The following USH2A variants were observed in gnomAD, a reference collection of about 807,000 sequenced individuals.
USH2A encodes Usher syndrome 2A (autosomal recessive, mild).
USH2A carries 443 observed loss-of-function variants against 538.9 expected under a neutral mutation model. The observed-to-expected ratio is 0.82, with a 90% CI of 0.76 to 0.89. The LOEUF (loss-of-function observed/expected upper bound fraction) is 0.89, where lower values mean the gene tolerates loss of function less well. Among genes scored for constraint, USH2A ranks in the 40% least tolerant of loss-of-function variants. The pLI is 0.00. For synonymous variants in USH2A, 2,413 were observed against 2,273.5 expected (o/e 1.06, Z -1.75); for missense variants, 6,633 against 6,324.8 (o/e 1.05, Z -1.65).
intron 69 of USH2A, among the ~76,000 whole-genome samples, chr1:215,635,531 T>TTTTATTTATTTATTTA (rs35379579): frequency 0.013 from 1,841 of 142,114 alleles, 23 homozygotes; most frequent in Non-Finnish European, 0.018. Context: ...GTAGGATTAT[T>TTTTATTTATTTATTTA]TTTATTTATT....
Position 215,813,791 on chromosome 1 carries a change from C to T in USH2A, c.9684G>A (p.Gln3228=), listed in dbSNP as rs200038117. 4.6e-5 allele frequency: 74 copies of T among 1,613,784 alleles called. No homozygotes were observed. The highest frequency in any genetic ancestry group is 6.1e-5 in the Non-Finnish European group (72 of 1,179,878). The change falls in exon 49 of 72, where the codon CAG becomes CAA. Residue 3228 remains glutamine (Q), a synonymous_variant. Coordinates refer to ENST00000307340, the MANE Select transcript of USH2A (RefSeq NM_206933.4). ...STGVCCGGRI[Q]EAQPNHQCCS... Reference sequence around the variant, plus strand: ...AGCACTGATGATTTGGTTGTGCCTCCTGTATTCGGCCACCACAACAAACTC... The same window carrying T: ...AGCACTGATGATTTGGTTGTGCCTCTTGTATTCGGCCACCACAACAAACTC...
Position 216,282,560 on chromosome 1 carries a change from T to C in USH2A, c.1971+6720A>G, listed in dbSNP as rs145707785. Among the ~76,000 whole-genome samples, 755 of 152,338 alleles carry C rather than the reference T, an allele frequency of 5.0e-3. 7 individuals carry two copies. The highest frequency in any genetic ancestry group is 0.018 in the African/African-American group (736 of 41,578). ...ATAAATATGAGGGCTTATTTGTAAA[T>C]TCTCAATTCTATTTCAGTGAATATG... On this transcript the variant is annotated intron_variant, in intron 11 of 71. Transcript: ENST00000307340.
intron 67 of USH2A, among the ~76,000 whole-genome samples, chr1:215,641,035 A>G (rs1202255355): frequency 6.6e-6 from 1 of 152,164 alleles, no homozygotes; most frequent in African/African-American, 2.4e-5. Context: ...AACTATTAAC[A>G]TACAATGGAT....
At chr1:216,042,991 G>T (rs2030352106) in intron 32 of USH2A, among the ~76,000 whole-genome samples, 1 of 152,066 alleles carries the variant, frequency 6.6e-6, no homozygotes, top group Admixed American at 6.6e-5. Flanking sequence ...CTTGGTCTCG[G>T]ACTTTCAGCC....
intron 38 of USH2A, among the ~76,000 whole-genome samples, chr1:215,925,683 T>TTTCAGCTGCTAACCTACG (rs1666222502): frequency 6.7e-6 from 1 of 149,314 alleles, no homozygotes; most frequent in South Asian, 2.1e-4. Flanking sequence ...CTATTGCTTA[T>TTTCAGCTGCTAACCTACG]TTCAGCTGCT....
chr1:216,385,326 T>C (rs1192206378), intron 3 of USH2A, among the ~76,000 whole-genome samples: 2 of 152,120 alleles, frequency 1.3e-5, no homozygotes, highest in Non-Finnish European at 2.9e-5. Context: ...GCAAGGACTT[T>C]GAAAAACTGT....
chr1:215,802,902 A>C (rs1178503448), intron 49 of USH2A, among the ~76,000 whole-genome samples: 3 of 152,168 alleles, frequency 2.0e-5, no homozygotes, highest in Non-Finnish European at 4.4e-5. Context: ...CAAAAGTGTT[A>C]TATACATACA....
At position 216,199,661 on chromosome 1, in the gene USH2A, A is replaced by G; in HGVS notation, c.3777T>C (p.Leu1259=). ...PKMQKISSTE[L]HVEWSPPAEL... ...CCGCTGGTGGAGACCATTCTACATG[A>G]AGTTCTGTAGAACTGATTTTCTGCA... Residue 1259 remains leucine, a synonymous_variant, in exon 17 of 72, where the codon CTT becomes CTC. Coordinates refer to ENST00000307340, the MANE Select transcript of USH2A (RefSeq NM_206933.4). 1 of 1,614,064 alleles carries G rather than the reference A, an allele frequency of 6.2e-7. No homozygotes were observed. The highest frequency in any genetic ancestry group is 8.5e-7 in the Non-Finnish European group (1 of 1,179,984).
intron 11 of USH2A, among the ~76,000 whole-genome samples, chr1:216,258,338 G>A (rs551848283): frequency 2.0e-4 from 30 of 152,026 alleles, no homozygotes; most frequent in African/African-American, 3.6e-4. Context: ...AAATTTTCTC[G>A]CCAGTTCAGC....
Position 215,900,763 on chromosome 1 carries a change from T to C in USH2A, c.7443A>G (p.Gly2481=). ...LQMRSGDSTH[G]FLELFSNPSA... ...CAAAGTAGAATGCTCACTCTAGAAA[T>C]CCATGGGTGGAGTCGCCAGACCTCA... Residue 2481 remains glycine (G), a synonymous_variant, in exon 39 of 72, where the codon GGA becomes GGG. Coordinates refer to ENST00000307340, the MANE Select transcript of USH2A (RefSeq NM_206933.4). 1 of 1,613,558 alleles carries C rather than the reference T, an allele frequency of 6.2e-7. No homozygotes were observed. Among genetic ancestry groups the C allele is most frequent in the Non-Finnish European group, 8.5e-7 (1 of 1,179,696 alleles).
rs540316239 is a variant in USH2A at position 216,279,536 on chromosome 1, A to G, written c.1971+9744T>C. On this transcript the variant is annotated intron_variant, in intron 11 of 71. Coordinates refer to ENST00000307340, the MANE Select transcript of USH2A (RefSeq NM_206933.4). ...AAAAGTGGTTCACAGACAGGCGGCA[A>G]TTGTATCATCTGGGAACTTTTACAC... 2.6e-5 allele frequency among the ~76,000 whole-genome samples: 4 copies of G among 152,232 alleles called. No homozygotes were observed. The South Asian group carries it at 8.3e-4, about 32-fold the overall frequency.
chr1:215,990,213 T>C (rs990255159), intron 35 of USH2A, among the ~76,000 whole-genome samples: 1 of 152,158 alleles, frequency 6.6e-6, no homozygotes, highest in Non-Finnish European at 1.5e-5. Context: ...AAAAATTCTT[T>C]GGTCAAATGC....
chr1:216,347,969 G>A (rs748278535), intron 4 of USH2A, among the ~76,000 whole-genome samples: 4 of 152,094 alleles, frequency 2.6e-5, no homozygotes, highest in African/African-American at 4.8e-5. Context: ...TTAACTGCAT[G>A]GGCTGAATAA....
rs113899023 is a variant in USH2A at position 216,071,136 on chromosome 1, A to T, written c.5858-844T>A. On this transcript the variant is annotated intron_variant, in intron 29 of 71. Transcript: ENST00000307340. ...AAGGAACTCCGTGGCAGGATGATGG[A>T]TGAGAGACCTGCTCTAGCTGCTCAT... 7.6e-3 allele frequency among the ~76,000 whole-genome samples: 1,163 copies of T among 152,272 alleles called. 6 individuals are homozygous for T. The highest frequency in any genetic ancestry group is 0.012 in the Non-Finnish European group (832 of 68,020).
intron 32 of USH2A, among the ~76,000 whole-genome samples, chr1:216,031,015 C>T (rs1419512269): frequency 6.6e-6 from 1 of 151,824 alleles, no homozygotes; most frequent in Non-Finnish European, 1.5e-5. Flanking sequence ...TCCAACACAA[C>T]TGGATTCCCC....
At chr1:215,738,125 C>T (rs1303264306) in intron 60 of USH2A, among the ~76,000 whole-genome samples, 1 of 151,998 alleles carries the variant, frequency 6.6e-6, no homozygotes, top group Non-Finnish European at 1.5e-5. Context: ...TTTGTAAAGT[C>T]TCAATTTAAT....
At chr1:215,986,310 C>CTTTTTT (rs34962559) in intron 35 of USH2A, among the ~76,000 whole-genome samples, 1 of 131,412 alleles carries the variant, frequency 7.6e-6, no homozygotes. Flanking sequence ...TTTTCTTTTT[C>CTTTTTT]TTTTTTTTTT....
chr1:216,289,376 G>GA lies in USH2A; in HGVS notation c.1874dup (p.Arg626ProfsTer17). The GA allele has an allele frequency of 6.2e-7, 1 of 1,613,968 alleles. No homozygotes were observed. Among genetic ancestry groups the GA allele is most frequent in the South Asian group, 1.1e-5 (1 of 91,084 alleles). On this transcript the variant is annotated frameshift_variant, in exon 11 of 72. Transcript: ENST00000307340. LOFTEE classifies it high-confidence loss of function. ...CCGAAGGATCTGCACCAACTTGTCG[G>GA]AAAAAGTAATCCTTGCACAGCTCAC... is the stretch of plus-strand genomic sequence containing the variant.
At chr1:216,246,308 G>T (rs2036044565) in intron 13 of USH2A, among the ~76,000 whole-genome samples, 1 of 152,062 alleles carries the variant, frequency 6.6e-6, no homozygotes, top group East Asian at 1.9e-4. Flanking sequence ...CTGTTAAAAA[G>T]GAGATTTACT....
Sources: gnomAD v4.1 joint callset for allele counts (sites outside exome capture counted in the v4.1 genomes callset) on GRCh38, gnomAD v4.1.1 for gene constraint, MANE v1.5 for transcripts, NCBI Gene and HGNC (gene_info 2026-07-23, HGNC 2026-07-21) for gene names.